EDIL3: variants seen among roughly 807,000 people sequenced by gnomAD.
EDIL3 encodes EGF-like repeat and discoidin I-like domain-containing protein 3.
In EDIL3, 37 loss-of-function variants were observed where a neutral mutation model predicts 67.4. That is an observed-to-expected ratio of 0.55 (90% CI 0.42 to 0.72). The LOEUF (loss-of-function observed/expected upper bound fraction) is 0.72, where lower values mean the gene tolerates loss of function less well. EDIL3 is among the 30% of genes least tolerant of loss of function. EDIL3 has a pLI of 0.00. For synonymous variants in EDIL3, 195 were observed against 196.3 expected (o/e 0.99, Z 0.05); for missense variants, 527 against 586.3 (o/e 0.90, Z 1.04).
intron 9 of EDIL3, among the ~76,000 whole-genome samples, chr5:83,990,937 A>G (rs1336437667): frequency 1.3e-5 from 2 of 151,892 alleles, no homozygotes; most frequent in Admixed American, 1.3e-4. Context: ...AAAATAAAAG[A>G]GTTAAGTGCA....
intron 2 of EDIL3, among the ~76,000 whole-genome samples, chr5:84,253,567 G>A (rs1424970091): frequency 6.6e-6 from 1 of 152,096 alleles, no homozygotes. Flanking sequence ...TTTTTGCAGA[G>A]CAAATTTTTT....
intron 1 of EDIL3, among the ~76,000 whole-genome samples, chr5:84,291,284 A>G (rs186579971): frequency 6.6e-6 from 1 of 152,148 alleles, no homozygotes; most frequent in Non-Finnish European, 1.5e-5. Flanking sequence ...ATATTAGGAC[A>G]TTTAATTTTA....
intron 6 of EDIL3, among the ~76,000 whole-genome samples, chr5:84,104,912 A>T (rs1363581857): frequency 6.6e-6 from 1 of 152,038 alleles, no homozygotes; most frequent in African/African-American, 2.4e-5. Context: ...CATGCTACTT[A>T]TGGTTTATAG....
At chr5:84,003,629 A>C (rs1191800951) in intron 9 of EDIL3, among the ~76,000 whole-genome samples, 2 of 152,202 alleles carry the variant, frequency 1.3e-5, no homozygotes, top group African/African-American at 4.8e-5. Flanking sequence ...AATGCTAAGG[A>C]AAATCATTAC....
At chr5:84,338,012 CAT>C (rs1398234879) in intron 1 of EDIL3, among the ~76,000 whole-genome samples, 2 of 152,116 alleles carry the variant, frequency 1.3e-5, no homozygotes, top group Admixed American at 1.3e-4. Context: ...GACCTATACA[CAT>C]AGATAAATAT....
rs143390364 is a variant in EDIL3, at chr5:84,059,981, A to G, written c.1137+319T>C. 6.6e-5 allele frequency among the ~76,000 whole-genome samples: 10 copies of G among 152,324 alleles called. No homozygotes were observed. The East Asian group carries it at 1.7e-3, about 26-fold the overall frequency. Reference sequence around the variant, plus strand: ...TCTTGCTGTCATGCTTTCAAAGCCAATATTAATACAAAGTATTAGAATGGA... The same window carrying G: ...TCTTGCTGTCATGCTTTCAAAGCCAGTATTAATACAAAGTATTAGAATGGA... On this transcript the variant is annotated intron_variant, in intron 9 of 10. Transcript: ENST00000296591.
chr5:84,308,892 C>G (rs1046740177), intron 1 of EDIL3, among the ~76,000 whole-genome samples: 1 of 152,088 alleles, frequency 6.6e-6, no homozygotes, highest in Non-Finnish European at 1.5e-5. Flanking sequence ...CTTATGATCA[C>G]GGAAGTGGCG....
At chr5:84,080,771 AAAG>A (rs1470812259) in intron 6 of EDIL3, among the ~76,000 whole-genome samples, 4 of 152,344 alleles carry the variant, frequency 2.6e-5, no homozygotes, top group South Asian at 4.1e-4. Flanking sequence ...AATGAAATAA[AAAG>A]AAGTATCAAT....
At position 84,005,069 on chromosome 5, in the gene EDIL3, A is replaced by G. The variant is rs186164194; in HGVS notation, c.1138-41709T>C. Among the ~76,000 whole-genome samples the G allele has an allele frequency of 1.5e-3, 225 of 152,296 alleles. 1 individual carries two copies. Among genetic ancestry groups the G allele is most frequent in the African/African-American group, 5.1e-3 (210 of 41,578 alleles). On this transcript the variant is annotated intron_variant, in intron 9 of 10. Transcript: ENST00000296591. ...TATACTATTATGAACACTTCTATAC[A>G]CACAAACTAGAAAACCTAGAAGGAA...
chr5:84,238,616 C>T (rs916886720), intron 2 of EDIL3, among the ~76,000 whole-genome samples: 5 of 137,992 alleles, frequency 3.6e-5, no homozygotes, highest in Non-Finnish European at 6.1e-5. Context: ...TTAATGACTG[C>T]TTTAGAGGAT....
intron 5 of EDIL3, among the ~76,000 whole-genome samples, chr5:84,136,955 A>G (rs1748102635): frequency 6.6e-6 from 1 of 152,122 alleles, no homozygotes; most frequent in Non-Finnish European, 1.5e-5. Context: ...AGGAAATGTT[A>G]TCATTCTTTT....
At chr5:84,337,548 TA>T in intron 1 of EDIL3, among the ~76,000 whole-genome samples, 1 of 152,194 alleles carries the variant, frequency 6.6e-6, no homozygotes, top group Admixed American at 6.5e-5. Flanking sequence ...AAACTAGATT[TA>T]AAAAAATCAT....
intron 1 of EDIL3, among the ~76,000 whole-genome samples, chr5:84,276,509 T>C (rs767595846): frequency 4.6e-5 from 7 of 152,180 alleles, no homozygotes; most frequent in Non-Finnish European, 8.8e-5. Flanking sequence ...CATTTGCTTT[T>C]TGATCTGTTT....
chr5:84,233,185 T>TA (rs1009980941), intron 2 of EDIL3, among the ~76,000 whole-genome samples: 3 of 152,006 alleles, frequency 2.0e-5, no homozygotes, highest in Non-Finnish European at 4.4e-5. Flanking sequence ...AAAACAGAGG[T>TA]AAAAAAATAT....
intron 6 of EDIL3, among the ~76,000 whole-genome samples, chr5:84,075,852 A>G (rs1746843445): frequency 6.6e-6 from 1 of 150,942 alleles, no homozygotes; most frequent in Admixed American, 6.6e-5. Flanking sequence ...ACAAATTATC[A>G]AAAGCCCCAA....
chr5:84,105,066 A>G (rs1747434370), intron 6 of EDIL3, among the ~76,000 whole-genome samples: 1 of 152,088 alleles, frequency 6.6e-6, no homozygotes, highest in Non-Finnish European at 1.5e-5. Context: ...AGTCCTACAA[A>G]TGCATTTCAA....
intron 6 of EDIL3, among the ~76,000 whole-genome samples, chr5:84,095,916 C>T (rs1170244497): frequency 1.3e-5 from 2 of 152,116 alleles, no homozygotes; most frequent in Non-Finnish European, 2.9e-5. Flanking sequence ...GTGGGCTGGG[C>T]CCAGGGTCCC....
chr5:83,978,350 C>T (rs1227547763), intron 9 of EDIL3, among the ~76,000 whole-genome samples: 1 of 151,814 alleles, frequency 6.6e-6, no homozygotes, highest in African/African-American at 2.4e-5. Context: ...AATAACTCAA[C>T]AGAATACCTA....
At chr5:84,286,019 A>G (rs1311310655) in intron 1 of EDIL3, among the ~76,000 whole-genome samples, 1 of 152,056 alleles carries the variant, frequency 6.6e-6, no homozygotes, top group Non-Finnish European at 1.5e-5. Flanking sequence ...TTCCATGGGA[A>G]TTTTTTTCAT....
Sources: allele counts gnomAD v4.1 joint callset (sites outside exome capture counted in the v4.1 genomes callset), GRCh38; gene constraint gnomAD v4.1.1; transcripts MANE v1.5; gene names NCBI Gene and HGNC (gene_info 2026-07-23, HGNC 2026-07-21).